The following A2M variants were observed in gnomAD, a reference collection of about 807,000 sequenced individuals.
A2M encodes C3 and PZP-like alpha-2-macroglobulin domain-containing protein 5.
Under a neutral mutation model 183.9 loss-of-function variants are expected in A2M, and 128 were observed. The ratio of observed to expected loss-of-function variants is 0.70; its 90% confidence interval spans 0.60 to 0.81. A2M has a LOEUF of 0.81. Among genes scored for constraint, A2M ranks in the 30% least tolerant of loss-of-function variants. The pLI, the probability that A2M is intolerant of heterozygous loss-of-function variation, is 0.00. For synonymous variants in A2M, 592 were observed against 670.8 expected (o/e 0.88, Z 1.81); for missense variants, 1,495 against 1,787.6 (o/e 0.84, Z 2.95).
chr12:9,094,484 AC>A (rs1565592641), intron 17 of A2M, among the ~76,000 whole-genome samples: 3,319 of 151,548 alleles, frequency 0.022, 123 homozygotes, highest in African/African-American at 0.075. Flanking sequence ...CATAGAGCCA[AC>A]TGATTCTCCT....
rs1262521111 is a variant in A2M, at chr12:9,090,394, C to T, written c.2558G>A (p.Arg853Gln). ...QAPHCICANG[R>Q]QTVSWAVTPK... ...GGTTACTGCCCAGGACACAGTTTGC[C>T]GCCCGTTTGCACAGATGCAGTGAGG... Residue 853 changes from arginine (R) to glutamine (Q), a missense_variant, in exon 20 of 36, where the codon CGG (arginine) becomes CAG (glutamine). Transcript: ENST00000318602. 8 of 1,613,996 alleles carry T rather than the reference C, an allele frequency of 5.0e-6. No homozygotes were observed. The highest frequency in any genetic ancestry group is 2.2e-5 in the South Asian group (2 of 91,074).
At chr12:9,071,650 G>A (rs1284119781) in intron 31 of A2M, among the ~76,000 whole-genome samples, 2 of 152,040 alleles carry the variant, frequency 1.3e-5, no homozygotes, top group African/African-American at 4.8e-5. Flanking sequence ...GTGTCCATAT[G>A]TTCTCATCAT....
At chr12:9,109,734 G>T in intron 6 of A2M, 133 bp downstream of exon 6, 1 of 840,742 alleles carries the variant, frequency 1.2e-6, no homozygotes, top group Non-Finnish European at 1.8e-6. Context: ...ATTGGACTTA[G>T]GTGTAATTAA....
chr12:9,101,735 A>C, intron 11 of A2M, 61 bp from the exon 12 acceptor site: 15 of 1,338,318 alleles, frequency 1.1e-5, no homozygotes, highest in South Asian at 1.4e-5. Context: ...TAATGTTCTC[A>C]CAAAACTACG....
intron 34 of A2M, 134 bp from the exon 35 acceptor site, chr12:9,068,358 C>T: frequency 2.3e-6 from 2 of 878,882 alleles, no homozygotes; most frequent in South Asian, 3.3e-5. Context: ...ACATAAGCAT[C>T]ATTCATCTGA....
At chr12:9,067,898 A>G in intron 35 of A2M, 59 bp from the exon 36 acceptor site, 2 of 1,516,948 alleles carry the variant, frequency 1.3e-6, no homozygotes, top group Non-Finnish European at 1.8e-6. Context: ...AGCAGAGAGT[A>G]TTCTTTCCCT....
At chr12:9,099,326 A>G (rs1429802885) in intron 14 of A2M, 55 bp downstream of exon 14, 3 of 1,502,656 alleles carry the variant, frequency 2.0e-6, no homozygotes, top group Admixed American at 3.9e-5. Context: ...ACAAATGATA[A>G]CAATAGTAAC....
intron 26 of A2M, 112 bp from the exon 27 acceptor site, chr12:9,077,532 A>G: frequency 6.8e-7 from 1 of 1,461,532 alleles, no homozygotes; most frequent in Non-Finnish European, 9.4e-7. Flanking sequence ...CCATCCCTAT[A>G]GGGCAAAGTA....
chr12:9,115,563 A>T lies in A2M; in HGVS notation c.86+201T>A, dbSNP rs1939054853. 5.8e-6 allele frequency: 3 copies of T among 521,704 alleles called. No homozygotes were observed. In the South Asian group the frequency reaches 6.7e-5, roughly 12 times the overall value. 32.3% of individuals were successfully genotyped at this position (521,704 alleles called of 1,614,324 possible). A position where few individuals can be genotyped will look rare whatever the true frequency, so the allele number is the denominator to read the frequency against. The stretch of plus-strand genomic sequence containing the variant: ...CTGACACCCCTTAGGAAGGCTTTGC[A>T]TATTAGAGCTTCAGAGAGTTGGGGA... On this transcript the variant is annotated intron_variant, in intron 1 of 35. Coordinates refer to ENST00000318602, the MANE Select transcript of A2M (RefSeq NM_000014.6).
At position 9,067,780 on chromosome 12, in the gene A2M, T is replaced by C. The variant is rs1802966; in HGVS notation, c.*43A>G. ...AAAACACGTGTCTTCTGTGGAGCTCTGAGAACAGGACTCCAGCAAAGCACT... is the reference window on the plus strand; with the variant it reads ...AAAACACGTGTCTTCTGTGGAGCTCCGAGAACAGGACTCCAGCAAAGCACT... On this transcript the variant is annotated 3_prime_UTR_variant, in exon 36 of 36. Coordinates refer to ENST00000318602, the MANE Select transcript of A2M (RefSeq NM_000014.6). The C allele has an allele frequency of 3.7e-6, 6 of 1,604,744 alleles. No individual in the cohort carries two copies. The highest frequency in any genetic ancestry group is 5.1e-6 in the Non-Finnish European group (6 of 1,172,734).
intron 33 of A2M, among the ~76,000 whole-genome samples, chr12:9,069,530 A>G (rs868748936): frequency 6.6e-6 from 1 of 152,350 alleles, no homozygotes; most frequent in Non-Finnish European, 1.5e-5. Flanking sequence ...GATTTTAGGA[A>G]TATTCATATC....
intron 22 of A2M, among the ~76,000 whole-genome samples, chr12:9,083,562 G>C (rs1321389072): frequency 6.6e-6 from 1 of 151,884 alleles, no homozygotes; most frequent in Non-Finnish European, 1.5e-5. Flanking sequence ...AGAAGAATCA[G>C]TGAGCTCAAA....
At chr12:9,100,960 C>T (rs988802760) in intron 13 of A2M, among the ~76,000 whole-genome samples, 184 bp downstream of exon 13, 2 of 152,082 alleles carry the variant, frequency 1.3e-5, no homozygotes, top group Non-Finnish European at 2.9e-5. Flanking sequence ...GTATACTGCT[C>T]GGGTGATGGG....
chr12:9,093,195 C>T (rs1428399101), intron 18 of A2M, among the ~76,000 whole-genome samples: 2 of 152,152 alleles, frequency 1.3e-5, no homozygotes, highest in Non-Finnish European at 2.9e-5. Context: ...GTTGATAATA[C>T]TGTATTGGAT....
intron 22 of A2M, among the ~76,000 whole-genome samples, chr12:9,083,157 G>A (rs1013015271): frequency 1.5e-4 from 23 of 152,046 alleles, no homozygotes; most frequent in East Asian, 1.2e-3. Context: ...AACAAACACC[G>A]CATGTTCTCA....
In A2M at chr12:9,072,433, T is replaced by G; in HGVS notation, c.4029A>C (p.Leu1343Phe). The G allele has an allele frequency of 1.2e-6, 2 of 1,613,698 alleles. No individual in the cohort carries two copies. The highest frequency in any genetic ancestry group is 8.5e-7 in the Non-Finnish European group (1 of 1,179,822). The change falls in exon 31 of 36, where the codon TTA becomes TTC. Residue 1343 changes from leucine to phenylalanine, a missense_variant. Transcript: ENST00000318602. ...LPEKEEFPFA[L>F]GVQTLPQTCD... ...AAGTTTGAGGCAGAGTCTGCACTCC[T>G]AAAGCAAAGGGGAACTCTTCCTTTT...
At position 9,113,390 on chromosome 12, in the gene A2M, C is replaced by G. The variant is rs763603882; in HGVS notation, c.240G>C (p.Glu80Asp). The G allele has an allele frequency of 8.4e-5, 135 of 1,613,514 alleles. No homozygotes were observed. The highest frequency in any genetic ancestry group is 1.1e-4 in the Non-Finnish European group (134 of 1,179,888). The change falls in exon 2 of 36, where the codon GAG becomes GAC. Residue 80 changes from glutamate to aspartate, a missense_variant. Glu to Asp is a conservative substitution (Grantham distance 45). Coordinates refer to ENST00000318602, the MANE Select transcript of A2M (RefSeq NM_000014.6). Reference protein sequence around the residue: ...NRSLFTDLEAENDVLHCVAFA... With the variant: ...NRSLFTDLEADNDVLHCVAFA... ...AGGCGACACAGTGGAGTACGTCATT[C>G]TCCGCCTCCAGGTCAGTGAAGAGGC...
Position 9,091,356 on chromosome 12 carries a change from G to C in A2M, c.2314C>G (p.Leu772Val). 6.2e-7 allele frequency: 1 copy of C among 1,614,184 alleles called. No homozygotes were observed. Among genetic ancestry groups the C allele is most frequent in the Non-Finnish European group, 8.5e-7 (1 of 1,180,048 alleles). Residue 772 changes from leucine to valine, a missense_variant, in exon 19 of 36, where the codon CTG becomes GTG. Physicochemically the swap from Leu to Val is conservative, Grantham distance 32. Transcript: ENST00000318602. Reference protein sequence around the residue: ...ITEWKAGAFCLSEDAGLGISS... With the variant: ...ITEWKAGAFCVSEDAGLGISS... ...ATACCAAGTCCAGCATCTTCAGACA[G>C]GCAGAAGGCCCCTGCCTTCCACTCG... is the stretch of plus-strand genomic sequence containing the variant.
At chr12:9,105,462 G>A (rs1938210719) in intron 10 of A2M, among the ~76,000 whole-genome samples, 1 of 152,142 alleles carries the variant, frequency 6.6e-6, no homozygotes, top group Admixed American at 6.5e-5. Context: ...ACTCCACTTT[G>A]TTGAGTCTAT....
Sources: allele counts gnomAD v4.1 joint callset (sites outside exome capture counted in the v4.1 genomes callset), GRCh38; gene constraint gnomAD v4.1.1; transcripts MANE v1.5; gene names NCBI Gene and HGNC (gene_info 2026-07-23, HGNC 2026-07-21).